Variants in SEL1L2 observed in about 807,000 individuals in gnomAD.
The protein encoded by SEL1L2 is protein sel-1 homolog 2.
In SEL1L2, 89 loss-of-function variants were observed where a neutral mutation model predicts 98.8. The ratio of observed to expected loss-of-function variants is 0.90; its 90% CI spans 0.76 to 1.07. The LOEUF (loss-of-function observed/expected upper bound fraction) is 1.07. Among genes scored for constraint, SEL1L2 ranks in the 50% least tolerant of loss-of-function variants. The pLI, the probability that SEL1L2 is intolerant of heterozygous loss-of-function variation, is 0.00. For missense variants in SEL1L2, 788 were observed against 812.0 expected (o/e 0.97, Z 0.36); for synonymous variants, 262 against 278.5 (o/e 0.94, Z 0.59).
chr20:13,866,930 T>C, intron 14 of SEL1L2, 80 bp from the exon 15 acceptor site: 1 of 1,292,786 alleles, frequency 7.7e-7, no homozygotes, highest in Non-Finnish European at 1.0e-6. Context: ...ATAGTCATAG[T>C]GATGCCTGCT....
At chr20:13,863,328 G>T (rs920596278) in intron 17 of SEL1L2, among the ~76,000 whole-genome samples, 2 of 152,172 alleles carry the variant, frequency 1.3e-5, no homozygotes, top group Non-Finnish European at 2.9e-5. Context: ...TGAACAAGCT[G>T]GTTCTTGGGG....
intron 2 of SEL1L2, among the ~76,000 whole-genome samples, chr20:13,953,210 A>G (rs2050355236): frequency 6.6e-6 from 1 of 152,242 alleles, no homozygotes; most frequent in South Asian, 2.1e-4. Flanking sequence ...GCAAACTGGT[A>G]AAAGGCCTTG....
intron 1 of SEL1L2, among the ~76,000 whole-genome samples, chr20:13,959,113 T>G (rs1600926637): frequency 6.6e-6 from 1 of 151,976 alleles, no homozygotes; most frequent in Admixed American, 6.6e-5. Flanking sequence ...TTGAAGCAAA[T>G]TGGAAAGATG....
intron 2 of SEL1L2, among the ~76,000 whole-genome samples, chr20:13,934,913 A>C (rs2049378507): frequency 6.6e-6 from 1 of 152,124 alleles, no homozygotes; most frequent in Non-Finnish European, 1.5e-5. Context: ...AACATAATCT[A>C]TTTAGGTATC....
At chr20:13,873,677 A>T (rs2046304520) in intron 12 of SEL1L2, among the ~76,000 whole-genome samples, 1 of 152,182 alleles carries the variant, frequency 6.6e-6, no homozygotes, top group South Asian at 2.1e-4. Flanking sequence ...TGATTTTTAA[A>T]ACACTTTCTG....
intron 3 of SEL1L2, among the ~76,000 whole-genome samples, chr20:13,927,772 G>T (rs1167048117): frequency 6.6e-6 from 1 of 152,190 alleles, no homozygotes; most frequent in Non-Finnish European, 1.5e-5. Context: ...TTCTGAGCCA[G>T]TCTGATAATC....
At chr20:13,962,255 T>C (rs577225997) in intron 1 of SEL1L2, among the ~76,000 whole-genome samples, 12 of 152,192 alleles carry the variant, frequency 7.9e-5, no homozygotes, top group Non-Finnish European at 1.5e-4. Context: ...CATCAGGAGA[T>C]GGAGATTATT....
chr20:13,986,268 A>C (rs988841919), intron 1 of SEL1L2, among the ~76,000 whole-genome samples: 2 of 152,100 alleles, frequency 1.3e-5, no homozygotes, highest in Non-Finnish European at 2.9e-5. Context: ...ATAACATAAA[A>C]TTACCCGTTT....
At chr20:13,949,190 C>A (rs1444721603) in intron 2 of SEL1L2, among the ~76,000 whole-genome samples, 1 of 152,046 alleles carries the variant, frequency 6.6e-6, no homozygotes, top group Non-Finnish European at 1.5e-5. Context: ...CTACAACTCA[C>A]CAAATAATAA....
At chr20:13,983,510 T>C (rs1270053797) in intron 1 of SEL1L2, among the ~76,000 whole-genome samples, 1 of 151,862 alleles carries the variant, frequency 6.6e-6, no homozygotes, top group Non-Finnish European at 1.5e-5. Flanking sequence ...TTTTGTTTTT[T>C]GTTTTGTTTT....
upstream of SEL1L2, chr20:13,995,071 T>C (rs2052609403): frequency 6.5e-6 from 1 of 153,174 alleles, no homozygotes; most frequent in Non-Finnish European, 1.5e-5. The surrounding 1 kb of genome is among the most constrained non-coding windows in gnomAD (Gnocchi z 4.3). Context: ...CACGGACAAT[T>C]CGTGTTGACC....
intron 3 of SEL1L2, among the ~76,000 whole-genome samples, chr20:13,929,266 T>C (rs2049024249): frequency 6.6e-6 from 1 of 152,078 alleles, no homozygotes; most frequent in Non-Finnish European, 1.5e-5. Context: ...TATTTTTTTT[T>C]TTAATCTTTT....
intron 8 of SEL1L2, 119 bp downstream of exon 8, chr20:13,887,648 CAT>C (rs1446555895): frequency 7.6e-6 from 5 of 657,412 alleles, no homozygotes; most frequent in East Asian, 2.7e-5. Flanking sequence ...TGTATTATAA[CAT>C]ATTAAAAACG....
chr20:13,905,524 C>T (rs2047886721), intron 5 of SEL1L2, among the ~76,000 whole-genome samples: 1 of 151,944 alleles, frequency 6.6e-6, no homozygotes, highest in African/African-American at 2.4e-5. Context: ...CCATGTTAGC[C>T]AGAATGGTCT....
chr20:13,857,199 C>T (rs1235669874), intron 18 of SEL1L2, among the ~76,000 whole-genome samples: 1 of 150,182 alleles, frequency 6.7e-6, no homozygotes, highest in African/African-American at 2.4e-5. Flanking sequence ...AGAGTAGTCC[C>T]TGATTTTTTT....
At chr20:13,888,368 A>G (rs368420735) in intron 6 of SEL1L2, 91 bp downstream of exon 6, 1 of 821,276 alleles carries the variant, frequency 1.2e-6, no homozygotes, top group East Asian at 2.6e-5. Context: ...ACTACACTAG[A>G]GTGAGCCCCT....
chr20:13,985,061 A>G (rs2052094533), intron 1 of SEL1L2, among the ~76,000 whole-genome samples: 1 of 152,106 alleles, frequency 6.6e-6, no homozygotes, highest in African/African-American at 2.4e-5. Context: ...CTATTTAGCT[A>G]TACTGTTGTA....
intron 18 of SEL1L2, among the ~76,000 whole-genome samples, chr20:13,852,173 T>C (rs1988373786): frequency 6.6e-6 from 1 of 152,202 alleles, no homozygotes; most frequent in Non-Finnish European, 1.5e-5. Context: ...TCTCAGGCAT[T>C]CATGCTTATT....
At chr20:13,978,080 A>G (rs1027179232) in intron 1 of SEL1L2, among the ~76,000 whole-genome samples, 2 of 152,232 alleles carry the variant, frequency 1.3e-5, no homozygotes, top group African/African-American at 4.8e-5. Context: ...AGCTAGAGAC[A>G]TCACACTACT....
Sources: allele counts gnomAD v4.1 joint callset (sites outside exome capture counted in the v4.1 genomes callset), GRCh38; gene constraint gnomAD v4.1.1; non-coding constraint Gnocchi (gnomAD v3.1); transcripts MANE v1.5; gene names NCBI Gene and HGNC (gene_info 2026-07-23, HGNC 2026-07-21).